Variants in DRC11 observed in about 807,000 individuals in gnomAD.
The protein encoded by DRC11 is dynein regulatory complex subunit 11.
chr2:236,368,656 GCTTT>G, the DRC11 span: 1 of 186,218 alleles, frequency 5.4e-6, no homozygotes, highest in African/African-American at 2.4e-5. Flanking sequence ...AGGGGGCTCT[GCTTT>G]ATTTATATTC....
the DRC11 span, among the ~76,000 whole-genome samples, chr2:236,485,658 C>A: frequency 6.6e-6 from 1 of 152,222 alleles, no homozygotes; most frequent in Admixed American, 6.5e-5. Flanking sequence ...TGAGAGCTGC[C>A]TCCAAGTGCT....
chr2:236,436,270 T>C, the DRC11 span, among the ~76,000 whole-genome samples: 2 of 152,204 alleles, frequency 1.3e-5, no homozygotes, highest in African/African-American at 2.4e-5. Context: ...ATACCCATTG[T>C]CATACATGTT....
chr2:236,427,405 G>A, the DRC11 span, among the ~76,000 whole-genome samples: 1 of 151,874 alleles, frequency 6.6e-6, no homozygotes, highest in Non-Finnish European at 1.5e-5. The surrounding 1 kb of genome is among the most constrained non-coding windows in gnomAD (Gnocchi z 5.9). Context: ...TTTTATCCTG[G>A]GCCTTTCTTT....
the DRC11 span, among the ~76,000 whole-genome samples, chr2:236,407,587 C>A: frequency 6.6e-6 from 1 of 151,832 alleles, no homozygotes; most frequent in African/African-American, 2.4e-5. Context: ...TCTATATATA[C>A]ACACACACAC....
At chr2:236,401,732 G>A in the DRC11 span, among the ~76,000 whole-genome samples, 1 of 149,826 alleles carries the variant, frequency 6.7e-6, no homozygotes, top group Non-Finnish European at 1.5e-5. The surrounding 1 kb of genome is among the most constrained non-coding windows in gnomAD (Gnocchi z 4.6). Flanking sequence ...ACAGAAAGCA[G>A]ATCAGTGGTG....
chr2:236,500,783 A>C, the DRC11 span, among the ~76,000 whole-genome samples: 1 of 152,062 alleles, frequency 6.6e-6, no homozygotes, highest in East Asian at 1.9e-4. The surrounding 1 kb of genome is among the most constrained non-coding windows in gnomAD (Gnocchi z 6.3). Flanking sequence ...GCTCATTCCA[A>C]CCTCTGCCTC....
At chr2:236,321,827 T>A in the DRC11 span, among the ~76,000 whole-genome samples, 1 of 152,116 alleles carries the variant, frequency 6.6e-6, no homozygotes, top group South Asian at 2.1e-4. Flanking sequence ...AAGACCCATA[T>A]AAGACATCTC....
the DRC11 span, chr2:236,344,616 C>A: frequency 1.2e-6 from 2 of 1,613,714 alleles, no homozygotes; most frequent in South Asian, 2.2e-5. Flanking sequence ...TCAATCCACA[C>A]CACGGAGGGC....
At chr2:236,358,925 G>T in the DRC11 span, among the ~76,000 whole-genome samples, 1 of 150,838 alleles carries the variant, frequency 6.6e-6, no homozygotes, top group African/African-American at 2.5e-5. Context: ...AAGACACAGG[G>T]GCAAGGCCAT....
At chr2:236,431,429 A>G in the DRC11 span, among the ~76,000 whole-genome samples, 4 of 152,176 alleles carry the variant, frequency 2.6e-5, no homozygotes, top group Non-Finnish European at 4.4e-5. The surrounding 1 kb of genome is among the most constrained non-coding windows in gnomAD (Gnocchi z 4.2). Flanking sequence ...AAAGTCATCA[A>G]ATCTTGTGAG....
At chr2:236,388,909 G>A in the DRC11 span, among the ~76,000 whole-genome samples, 1 of 152,178 alleles carries the variant, frequency 6.6e-6, no homozygotes, top group East Asian at 1.9e-4. Flanking sequence ...AGGTCTATTT[G>A]AGTACCCAGC....
At chr2:236,487,567 G>A in the DRC11 span, among the ~76,000 whole-genome samples, 9 of 152,044 alleles carry the variant, frequency 5.9e-5, no homozygotes, top group East Asian at 3.9e-4. Context: ...AAAACCTTAC[G>A]GATTCCTTCT....
the DRC11 span, chr2:236,391,559 C>T: frequency 1.1e-5 from 2 of 182,034 alleles, no homozygotes; most frequent in Non-Finnish European, 2.3e-5. The surrounding 1 kb of genome is among the most constrained non-coding windows in gnomAD (Gnocchi z 4.5). Flanking sequence ...TGGCAACTTA[C>T]ACTTCCAATT....
the DRC11 span, chr2:236,465,721 A>G: frequency 2.6e-6 from 4 of 1,556,476 alleles, no homozygotes; most frequent in Non-Finnish European, 3.5e-6. The surrounding 1 kb of genome is among the most constrained non-coding windows in gnomAD (Gnocchi z 6.2). Context: ...CTGAAAATAT[A>G]TACAAGCAAC....
At chr2:236,497,254 C>T in the DRC11 span, 8 of 1,613,280 alleles carry the variant, frequency 5.0e-6, no homozygotes, top group African/African-American at 4.0e-5. This position sits in a 1 kb window ranked among gnomAD's most constrained non-coding sequence, Gnocchi z 5.1. Context: ...CTCCAGGATG[C>T]GGCCCATCAC....
At chr2:236,407,477 C>T in the DRC11 span, among the ~76,000 whole-genome samples, 564 of 152,190 alleles carry the variant, frequency 3.7e-3, 3 homozygotes, top group African/African-American at 0.013. Flanking sequence ...CTCTTGTAGA[C>T]GGCAGATGGT....
chr2:236,372,905 GC>G, the DRC11 span, among the ~76,000 whole-genome samples: 1 of 152,102 alleles, frequency 6.6e-6, no homozygotes, highest in African/African-American at 2.4e-5. The surrounding 1 kb of genome is among the most constrained non-coding windows in gnomAD (Gnocchi z 4.5). Flanking sequence ...AGCCACTGTG[GC>G]CGGCCAAAAT....
chr2:236,398,410 T>C, the DRC11 span, among the ~76,000 whole-genome samples: 18 of 152,366 alleles, frequency 1.2e-4, no homozygotes, highest in Admixed American at 2.0e-4. The surrounding 1 kb of genome is among the most constrained non-coding windows in gnomAD (Gnocchi z 6.2). Flanking sequence ...GGTGCAATTA[T>C]TAAGGTGAAA....
chr2:236,328,121 T>C, the DRC11 span, among the ~76,000 whole-genome samples: 2 of 152,214 alleles, frequency 1.3e-5, no homozygotes, highest in Non-Finnish European at 2.9e-5. The surrounding 1 kb of genome is among the most constrained non-coding windows in gnomAD (Gnocchi z 6.7). Context: ...TATTCTGTTA[T>C]TTGCATTTGC....
Sources: gnomAD v4.1 joint callset for allele counts (sites outside exome capture counted in the v4.1 genomes callset) on GRCh38, gnomAD v4.1.1 for gene constraint, Gnocchi (gnomAD v3.1) non-coding constraint, MANE v1.5 for transcripts, NCBI Gene and HGNC (gene_info 2026-07-23, HGNC 2026-07-21) for gene names.